DCBLD2: variants seen among roughly 807,000 people sequenced by gnomAD.
The protein encoded by DCBLD2 is discoidin, CUB and LCCL domain-containing protein 2.
Under a neutral mutation model 86.8 loss-of-function variants are expected in DCBLD2, and 54 were observed. The ratio of observed to expected loss-of-function variants is 0.62; its 90% CI spans 0.50 to 0.78. The LOEUF is 0.78. DCBLD2 is among the 30% of genes least tolerant of loss of function. The probability of loss-of-function intolerance (pLI) is 0.00; values close to 1 mark genes in which losing one functional copy is unlikely to be tolerated. For synonymous variants in DCBLD2, 354 were observed against 341.3 expected (o/e 1.04, Z -0.41); for missense variants, 908 against 954.2 (o/e 0.95, Z 0.64).
intron 15 of DCBLD2, 121 bp from the exon 16 acceptor site, chr3:98,799,962 A>G (rs1866679): frequency 0.36 from 285,732 of 793,240 alleles, 52,756 homozygotes; most frequent in Non-Finnish European, 0.37. Flanking sequence ...TGTTGCCATC[A>G]ATACTTAATC....
At chr3:98,803,820 T>C (rs974710299) in intron 13 of DCBLD2, among the ~76,000 whole-genome samples, 4 of 152,250 alleles carry the variant, frequency 2.6e-5, no homozygotes, top group African/African-American at 9.6e-5. Flanking sequence ...TGTTTGTCTT[T>C]GGTTCTGTTT....
In DCBLD2 at chr3:98,799,075, T is replaced by A. The variant is rs900058379; in HGVS notation, c.*297A>T. On this transcript the variant is annotated 3_prime_UTR_variant, in exon 16 of 16. Coordinates refer to ENST00000326840, the MANE Select transcript of DCBLD2 (RefSeq NM_080927.4). The stretch of plus-strand genomic sequence containing the variant: ...CCTGCAGCATTGGTAATAAATACTC[T>A]GTGATTTTTAATTTCTCTGAAGTGC... 1 of 256,416 alleles carries A rather than the reference T, an allele frequency of 3.9e-6. No individual in the cohort carries two copies. The highest frequency in any genetic ancestry group is 2.2e-5 in the African/African-American group (1 of 44,488). 15.9% of individuals were successfully genotyped at this position (256,416 alleles called of 1,614,324 possible).
chr3:98,869,962 T>C (rs1943227994), intron 2 of DCBLD2, among the ~76,000 whole-genome samples: 1 of 152,218 alleles, frequency 6.6e-6, no homozygotes, highest in Non-Finnish European at 1.5e-5. Context: ...AAAGTTGATA[T>C]ACTAGAGCAA....
At chr3:98,876,778 G>A (rs1477732389) in intron 2 of DCBLD2, among the ~76,000 whole-genome samples, 1 of 152,182 alleles carries the variant, frequency 6.6e-6, no homozygotes, top group East Asian at 1.9e-4. Flanking sequence ...ATTCATAAAA[G>A]AGTGATTAAA....
At chr3:98,835,938 C>CTTTTTTTCTTTTT (rs1942436206) in intron 3 of DCBLD2, among the ~76,000 whole-genome samples, 1 of 115,054 alleles carries the variant, frequency 8.7e-6, no homozygotes, top group Non-Finnish European at 1.8e-5. Flanking sequence ...TCCTTTCTTT[C>CTTTTTTTCTTTTT]TTTTTTTTTT....
chr3:98,801,719 T>A, intron 13 of DCBLD2, 70 bp from the exon 14 acceptor site: 2 of 1,158,250 alleles, frequency 1.7e-6, no homozygotes, highest in East Asian at 2.6e-5. Context: ...CCCTACCCCA[T>A]GACAGGCCTT....
At position 98,894,553 on chromosome 3, in the gene DCBLD2, G is replaced by A. The variant is rs535314753; in HGVS notation, c.205+6569C>T. ...TCTATTTTCAGAATTTCAGCTTGAA[G>A]GATTCCTCTCATAGTCAAGGGTGTG... On this transcript the variant is annotated intron_variant, in intron 1 of 15. Transcript: ENST00000326840. Among the ~76,000 whole-genome samples the A allele has an allele frequency of 2.8e-3, 426 of 152,250 alleles. 3 individuals are homozygous for A. The highest frequency in any genetic ancestry group is 0.024 in the Middle Eastern group (7 of 294).
chr3:98,804,841 T>G (rs1040963054), intron 13 of DCBLD2: 1 of 152,230 alleles, frequency 6.6e-6, no homozygotes, highest in Non-Finnish European at 1.5e-5. Flanking sequence ...AGTTTCCATG[T>G]AGTTGAGTGG....
intron 3 of DCBLD2, among the ~76,000 whole-genome samples, chr3:98,833,785 A>C (rs986083730): frequency 1.3e-5 from 2 of 152,172 alleles, no homozygotes; most frequent in Admixed American, 1.3e-4. Context: ...GGAAACAGCA[A>C]AGGTGAGGGC....
chr3:98,881,097 C>CA (rs1200309433), intron 2 of DCBLD2, among the ~76,000 whole-genome samples: 4 of 149,132 alleles, frequency 2.7e-5, no homozygotes, highest in Admixed American at 1.3e-4. Flanking sequence ...TACTAAAAAT[C>CA]AAAAAAAAAT....
At chr3:98,900,414 A>G (rs566328041) in intron 1 of DCBLD2, among the ~76,000 whole-genome samples, 8 of 152,346 alleles carry the variant, frequency 5.3e-5, no homozygotes, top group African/African-American at 1.7e-4. Context: ...TTCCATTATG[A>G]TAAGTATTTA....
chr3:98,825,326 T>C lies in DCBLD2; in HGVS notation c.612A>G (p.Glu204=). The C allele has an allele frequency of 2.6e-6, 4 of 1,544,358 alleles. No homozygotes were observed. In the South Asian group the frequency reaches 3.8e-5, roughly 15 times the overall value. ...TCLDTASNFL[E]PEFSKYCPAG... is the part of the protein sequence containing the mutation. ...AAATATAATCATACCTGAACTCAGG[T>C]TCCAAAAAATTGGATGCAGTGTCCA... is the stretch of plus-strand genomic sequence containing the variant. Residue 204 remains glutamate (E), a synonymous_variant, in exon 4 of 16, where the codon GAA becomes GAG. Transcript: ENST00000326840.
chr3:98,814,981 G>C (rs1354717764), intron 9 of DCBLD2: 1 of 152,236 alleles, frequency 6.6e-6, no homozygotes, highest in Admixed American at 6.5e-5. Flanking sequence ...AGTGCAGGGA[G>C]AGAGATCCCT....
chr3:98,872,934 T>A (rs1488241685), intron 2 of DCBLD2, among the ~76,000 whole-genome samples: 1 of 152,022 alleles, frequency 6.6e-6, no homozygotes, highest in Admixed American at 6.6e-5. Context: ...ATTTGGCTCA[T>A]AAAGACCCAA....
intron 1 of DCBLD2, chr3:98,895,443 T>C (rs964341491): frequency 1.3e-4 from 20 of 152,166 alleles, no homozygotes; most frequent in African/African-American, 4.6e-4. Context: ...AGAATGAGTT[T>C]TGCTACTCAT....
chr3:98,873,370 C>T lies in DCBLD2; in HGVS notation c.433+8170G>A, dbSNP rs138017251. Among the ~76,000 whole-genome samples the T allele has an allele frequency of 6.7e-3, 1,023 of 152,080 alleles. 2 individuals are homozygous for T. Among genetic ancestry groups the T allele is most frequent in the Non-Finnish European group, 0.01 (692 of 67,942 alleles). On this transcript the variant is annotated intron_variant, in intron 2 of 15. Coordinates refer to ENST00000326840, the MANE Select transcript of DCBLD2 (RefSeq NM_080927.4). The stretch of plus-strand genomic sequence containing the variant: ...CTTTTTACAGTAGAGAGTAAACCTT[C>T]TCAAGTATATATAGAATATTCACAA...
chr3:98,881,612 C>G lies in DCBLD2; in HGVS notation c.361G>C (p.Glu121Gln). Residue 121 changes from glutamate (E) to glutamine (Q), a missense_variant, in exon 2 of 16, where the codon GAA (glutamate) becomes CAA (glutamine). By Grantham distance (29) the Glu-to-Gln change is conservative. Around this residue, in one of 3 missense-constraint regions of DCBLD2, gnomAD observed 294 missense variants for 256.0 expected, o/e 1.15. Coordinates refer to ENST00000326840, the MANE Select transcript of DCBLD2 (RefSeq NM_080927.4). ...VRIKFGDFDI[E>Q]DSDSCHFNYL... ...TTAAAGTGACAAGAATCAGAATCTT[C>G]AATGTCAAAGTCACCAAATTTGATG... 1 of 1,613,900 alleles carries G rather than the reference C, an allele frequency of 6.2e-7. No homozygotes were observed. The highest frequency in any genetic ancestry group is 1.1e-5 in the South Asian group (1 of 91,072).
chr3:98,838,155 C>CG (rs1429671193), intron 3 of DCBLD2, among the ~76,000 whole-genome samples: 3 of 128,396 alleles, frequency 2.3e-5, no homozygotes, highest in African/African-American at 8.6e-5. Flanking sequence ...TGACCCCCCC[C>CG]ACCTCCCTCC....
At position 98,857,344 on chromosome 3, in the gene DCBLD2, G is replaced by A. The variant is rs200908274; in HGVS notation, c.434-7746C>T. ...CGAAAGAACAAAGCTTCCACAGTGTGTAAGGGGACCCAAGCTGGGTTGCCA... is the reference window on the plus strand; with the variant it reads ...CGAAAGAACAAAGCTTCCACAGTGTATAAGGGGACCCAAGCTGGGTTGCCA... On this transcript the variant is annotated intron_variant, in intron 2 of 15. Transcript: ENST00000326840. Among the ~76,000 whole-genome samples, 5 of 152,230 alleles carry A rather than the reference G, an allele frequency of 3.3e-5. No individual in the cohort carries two copies. The East Asian group carries it at 9.6e-4, about 29-fold the overall frequency.
Sources: gnomAD v4.1 joint callset for allele counts (sites outside exome capture counted in the v4.1 genomes callset) on GRCh38, gnomAD v4.1.1 for gene constraint, gnomAD v4.1.1 regional missense constraint, MANE v1.5 for transcripts, NCBI Gene and HGNC (gene_info 2026-07-23, HGNC 2026-07-21) for gene names.